The following TSC22D2 variants were observed in gnomAD, a reference collection of about 807,000 sequenced individuals.
TSC22D2 encodes TSC22 domain family member 2.
Under a neutral mutation model 50.1 loss-of-function variants are expected in TSC22D2, and 5 were observed. The ratio of observed to expected loss-of-function variants is 0.10; its 90% confidence interval spans 0.05 to 0.21. The LOEUF is 0.21. Among genes scored for constraint, TSC22D2 ranks in the 10% least tolerant of loss-of-function variants. The probability of loss-of-function intolerance (pLI) is 1.00; values close to 1 mark genes in which losing one functional copy is unlikely to be tolerated. For missense variants in TSC22D2, 1,003 were observed against 1,015.5 expected (o/e 0.99, Z 0.17); for synonymous variants, 501 against 450.1 (o/e 1.11, Z -1.43).
rs912364457 is a variant in TSC22D2 at position 150,458,489 on chromosome 3, G to A, written c.2124G>A (p.Leu708=). The part of the protein sequence containing the change: ...RNSLLERENA[L]LKSLSSNDQL... Reference sequence around the variant, plus strand: ...CTTTACTTGAACGAGAAAATGCACTGTTAAAATCTCTTTCAAGCAATGATC... The same window carrying A: ...CTTTACTTGAACGAGAAAATGCACTATTAAAATCTCTTTCAAGCAATGATC... The change falls in exon 3 of 3, where the codon CTG becomes CTA. Residue 708 remains leucine (L), a synonymous_variant. Coordinates refer to ENST00000688009, the MANE Select transcript of TSC22D2 (RefSeq NM_001303264.2). 3.7e-6 allele frequency: 6 copies of A among 1,613,992 alleles called. No individual in the cohort carries two copies. In the African/African-American group the frequency reaches 6.7e-5, roughly 18 times the overall value.
chr3:150,442,553 T>G (rs1720751058), intron 1 of TSC22D2, among the ~76,000 whole-genome samples: 1 of 152,242 alleles, frequency 6.6e-6, no homozygotes, highest in Non-Finnish European at 1.5e-5. Context: ...TACGGCAAGT[T>G]ATTAGGTAAC....
At chr3:150,448,006 C>A (rs1029000353) in intron 1 of TSC22D2, among the ~76,000 whole-genome samples, 3 of 152,146 alleles carry the variant, frequency 2.0e-5, no homozygotes, top group Non-Finnish European at 2.9e-5. Context: ...AAAATGAAAT[C>A]TCTTTCAAGA....
At position 150,410,300 on chromosome 3, in the gene TSC22D2, CG is replaced by C; in HGVS notation, c.954del (p.Gly321AspfsTer9). Reference protein sequence around the residue: ...AAAQPSQPQGAGPGGQTLPPT... With the variant: ...AAAQPSQPQGXGPGGQTLPPT... ...GCGCAGCCCAGCCAGCCCCAGGGAGCGGGGCCCGGGGGACAGACTCTGCCGC... is the reference window on the plus strand; with the variant it reads ...GCGCAGCCCAGCCAGCCCCAGGGAGCGGGCCCGGGGGACAGACTCTGCCGC... On this transcript the variant is annotated frameshift_variant, in exon 1 of 3. Transcript: ENST00000688009. LOFTEE classifies it high-confidence loss of function. 6.4e-7 allele frequency: 1 copy of C among 1,563,546 alleles called. No homozygotes were observed. Among genetic ancestry groups the C allele is most frequent in the Non-Finnish European group, 8.7e-7 (1 of 1,154,446 alleles).
chr3:150,452,973 T>C (rs893483070), intron 1 of TSC22D2, among the ~76,000 whole-genome samples: 1 of 152,226 alleles, frequency 6.6e-6, no homozygotes, highest in African/African-American at 2.4e-5. Context: ...TTTACCATAA[T>C]AGTTTAAAAA....
chr3:150,432,518 G>C (rs1462811798), intron 1 of TSC22D2, among the ~76,000 whole-genome samples: 6 of 150,350 alleles, frequency 4.0e-5, no homozygotes, highest in Admixed American at 4.0e-4. Context: ...TTGTACATGT[G>C]AACTAATTCG....
chr3:150,409,992 G>C lies in TSC22D2; in HGVS notation c.642G>C (p.Arg214=). 1 of 1,613,750 alleles carries C rather than the reference G, an allele frequency of 6.2e-7. No homozygotes were observed. The highest frequency in any genetic ancestry group is 8.5e-7 in the Non-Finnish European group (1 of 1,180,034). The change falls in exon 1 of 3, where the codon CGG becomes CGC. Residue 214 remains arginine (R), a synonymous_variant. Transcript: ENST00000688009. This position sits in a 1 kb window ranked among gnomAD's most constrained non-coding sequence, Gnocchi z 7.4. ...HSSTFDQTAE[R]DSGLGATGGS... The stretch of plus-strand genomic sequence containing the variant: ...GTACTTTTGACCAGACTGCGGAGCG[G>C]GACAGCGGCCTGGGCGCCACCGGAG...
Position 150,428,562 on chromosome 3 carries a change from G to T in TSC22D2, c.1958+17254G>T, listed in dbSNP as rs1720271122. Among the ~76,000 whole-genome samples, 3 of 150,124 alleles carry T rather than the reference G, an allele frequency of 2.0e-5. No homozygotes were observed. In the South Asian group the frequency reaches 6.3e-4, roughly 32 times the overall value. On this transcript the variant is annotated intron_variant, in intron 1 of 2. Transcript: ENST00000688009. Reference sequence around the variant, plus strand: ...TTGGAAGAATTTATATGTAAATTCAGGGAGGTTGAAACCTAGGTTGACTGG... The same window carrying T: ...TTGGAAGAATTTATATGTAAATTCATGGAGGTTGAAACCTAGGTTGACTGG...
intron 1 of TSC22D2, among the ~76,000 whole-genome samples, chr3:150,431,654 A>T (rs1204972703): frequency 6.6e-6 from 1 of 152,190 alleles, no homozygotes; most frequent in South Asian, 2.1e-4. Context: ...GCTAGTTTGT[A>T]CTATTGGGAG....
At chr3:150,423,323 G>T in intron 1 of TSC22D2, 1 of 368,492 alleles carries the variant, frequency 2.7e-6, no homozygotes, top group Non-Finnish European at 4.8e-6. Context: ...TCTGCATCCT[G>T]TGTACTTTAA....
At chr3:150,434,286 G>A (rs948642635) in intron 1 of TSC22D2, among the ~76,000 whole-genome samples, 11 of 151,540 alleles carry the variant, frequency 7.3e-5, no homozygotes, top group African/African-American at 2.7e-4. Context: ...GGGATTACAG[G>A]CACCACCACC....
chr3:150,420,908 C>T (rs1446976480), intron 1 of TSC22D2, among the ~76,000 whole-genome samples: 2 of 152,092 alleles, frequency 1.3e-5, no homozygotes, highest in Non-Finnish European at 2.9e-5. Flanking sequence ...GTGGTGAAAC[C>T]CCATCTCTAC....
At chr3:150,442,207 C>G (rs1720740184) in intron 1 of TSC22D2, among the ~76,000 whole-genome samples, 1 of 98,082 alleles carries the variant, frequency 1.0e-5, no homozygotes, top group Non-Finnish European at 2.5e-5. Flanking sequence ...TTTCCTGATC[C>G]AAGAGCTATG....
chr3:150,410,724 C>G lies in TSC22D2; in HGVS notation c.1374C>G (p.Pro458=), dbSNP rs1719516225. ...QVAPCQPTGV[P]PATVGGVVQP... ...CGCCTTGTCAGCCGACTGGAGTGCC[C>G]CCGGCTACTGTGGGAGGCGTGGTGC... is the stretch of plus-strand genomic sequence containing the variant. The change falls in exon 1 of 3, where the codon CCC becomes CCG. Residue 458 remains proline (P), a synonymous_variant. Coordinates refer to ENST00000688009, the MANE Select transcript of TSC22D2 (RefSeq NM_001303264.2). The G allele has an allele frequency of 6.3e-7, 1 of 1,593,338 alleles. No homozygotes were observed. The highest frequency in any genetic ancestry group is 8.5e-7 in the Non-Finnish European group (1 of 1,170,750).
At chr3:150,450,783 T>C (rs1038534878) in intron 1 of TSC22D2, among the ~76,000 whole-genome samples, 2 of 152,188 alleles carry the variant, frequency 1.3e-5, no homozygotes, top group African/African-American at 4.8e-5. Context: ...ATTAGATTTA[T>C]TCCTTTGTAA....
intron 1 of TSC22D2, among the ~76,000 whole-genome samples, chr3:150,430,804 A>G (rs946440842): frequency 6.6e-6 from 1 of 151,944 alleles, no homozygotes; most frequent in Non-Finnish European, 1.5e-5. Context: ...CATTTAGATA[A>G]CAGAAGGAAG....
intron 1 of TSC22D2, among the ~76,000 whole-genome samples, chr3:150,448,438 C>T (rs1027487464): frequency 6.6e-6 from 1 of 152,116 alleles, no homozygotes; most frequent in Non-Finnish European, 1.5e-5. Context: ...GAACCATGAT[C>T]ATGCCACTGC....
At chr3:150,444,156 G>A (rs1720805254) in intron 1 of TSC22D2, among the ~76,000 whole-genome samples, 1 of 151,904 alleles carries the variant, frequency 6.6e-6, no homozygotes, top group Admixed American at 6.6e-5. Flanking sequence ...ACCTTTATTG[G>A]GGAGAAAAAA....
intron 1 of TSC22D2, among the ~76,000 whole-genome samples, chr3:150,433,752 A>G (rs1413575167): frequency 6.6e-6 from 1 of 152,238 alleles, no homozygotes; most frequent in Non-Finnish European, 1.5e-5. Context: ...CAACTCTTCA[A>G]AAAGCATAAT....
intron 1 of TSC22D2, among the ~76,000 whole-genome samples, chr3:150,443,706 A>T (rs1412072677): frequency 6.6e-6 from 1 of 152,184 alleles, no homozygotes; most frequent in East Asian, 1.9e-4. Context: ...AGGATTTTTA[A>T]TTCACCCTTT....
Sources: gnomAD v4.1 joint callset for allele counts (sites outside exome capture counted in the v4.1 genomes callset) on GRCh38, gnomAD v4.1.1 for gene constraint, Gnocchi (gnomAD v3.1) non-coding constraint, MANE v1.5 for transcripts, NCBI Gene and HGNC (gene_info 2026-07-23, HGNC 2026-07-21) for gene names.